SECISBP2L: variants seen among roughly 807,000 people sequenced by gnomAD.
The protein encoded by SECISBP2L is SECIS binding protein 2 like, also known as selenocysteine insertion sequence-binding protein 2-like.
A neutral mutation model predicts 114.7 loss-of-function variants in SECISBP2L; 43 were observed. The observed-to-expected ratio is 0.38, with a 90% CI of 0.29 to 0.48. The LOEUF is 0.48. Ranked by LOEUF, SECISBP2L falls within the 20% of genes least tolerant of loss-of-function variation. The probability of loss-of-function intolerance (pLI) is 0.98; values close to 1 mark genes in which losing one functional copy is unlikely to be tolerated. For synonymous variants in SECISBP2L, 451 were observed against 439.7 expected, an observed-to-expected ratio of 1.03 and a Z score of -0.32; for missense variants, 1,136 against 1,301.1, an observed-to-expected ratio of 0.87 and a Z score of 1.95.
At chr15:49,023,828 T>C (rs756920241) in intron 7 of SECISBP2L, among the ~76,000 whole-genome samples, 1 of 152,198 alleles carries the variant, frequency 6.6e-6, no homozygotes, top group African/African-American at 2.4e-5. Context: ...ATAAGATATA[T>C]ACTTCTATTT....
intron 14 of SECISBP2L, among the ~76,000 whole-genome samples, chr15:49,005,962 T>C (rs1233230824): frequency 2.6e-5 from 4 of 152,164 alleles, no homozygotes; most frequent in South Asian, 4.1e-4. Context: ...TGACAAAATC[T>C]CTCAGCATTT....
chr15:48,996,368 A>G lies in SECISBP2L; in HGVS notation c.2622T>C (p.Tyr874=), dbSNP rs1388148027. 1.2e-6 allele frequency: 2 copies of G among 1,613,278 alleles called. No individual in the cohort carries two copies. Among genetic ancestry groups the G allele is most frequent in the Admixed American group, 1.7e-5 (1 of 59,954 alleles). ...TTAAAATAGTATTCAACAACTTACC[A>G]TATTCCTTTTCATTTACTTCAGAGA... The part of the protein sequence containing the change: ...EPISEVNEKE[Y]ETNWRNMVET... The change falls in exon 17 of 18, where the codon TAT becomes TAC. Residue 874 remains tyrosine (Y), a splice_region_variant and synonymous_variant. Coordinates refer to ENST00000559471, the MANE Select transcript of SECISBP2L (RefSeq NM_001193489.2).
intron 6 of SECISBP2L, 114 bp from the exon 7 acceptor site, chr15:49,027,594 T>C (rs1902771226): frequency 1.6e-5 from 9 of 565,280 alleles, no homozygotes; most frequent in Non-Finnish European, 2.4e-5. Context: ...GTGAAAATTT[T>C]TCTATAAACC....
intron 16 of SECISBP2L, among the ~76,000 whole-genome samples, chr15:48,998,167 A>G (rs1902132654): frequency 1.3e-5 from 2 of 152,238 alleles, no homozygotes; most frequent in South Asian, 4.1e-4. Context: ...AGCATGGCAA[A>G]AAGTGCTACA....
intron 1 of SECISBP2L, among the ~76,000 whole-genome samples, chr15:49,043,190 A>G (rs917680508): frequency 2.0e-5 from 3 of 152,326 alleles, no homozygotes; most frequent in Admixed American, 6.5e-5. Flanking sequence ...ATTACTGAAT[A>G]ATAAACATTT....
At chr15:48,994,710 C>T (rs1209868805) in intron 17 of SECISBP2L, among the ~76,000 whole-genome samples, 1 of 152,040 alleles carries the variant, frequency 6.6e-6, no homozygotes, top group Non-Finnish European at 1.5e-5. Flanking sequence ...CTAACCTGAA[C>T]TCCCACAGTA....
At chr15:49,037,842 A>T (rs1903044995) in intron 1 of SECISBP2L, 73 bp from the exon 2 acceptor site, 2 of 1,297,934 alleles carry the variant, frequency 1.5e-6, no homozygotes, top group East Asian at 4.9e-5. Flanking sequence ...ATTTAACAAC[A>T]GAAGAGTCAG....
intron 16 of SECISBP2L, 30 bp from the exon 17 acceptor site, chr15:48,996,616 A>AT (rs745673647): frequency 2.5e-6 from 4 of 1,582,854 alleles, no homozygotes; most frequent in East Asian, 2.2e-5. Context: ...TGATTAATCC[A>AT]TTTTTTTGTT....
chr15:49,032,969 T>C lies in SECISBP2L; in HGVS notation c.660A>G (p.Gln220=), dbSNP rs530775907. 14 of 1,613,606 alleles carry C rather than the reference T, an allele frequency of 8.7e-6. No homozygotes were observed. The African/African-American group carries it at 1.2e-4, about 14-fold the overall frequency. ...ATGTAAGAACCCTTGCCTTACCAGTTTGCTGTGAAGCATCTACCAGAAGCA... is the reference window on the plus strand; with the variant it reads ...ATGTAAGAACCCTTGCCTTACCAGTCTGCTGTGAAGCATCTACCAGAAGCA... ...KIVLLVDASQ[Q]TDFPSDIANK... The change falls in exon 4 of 18, where the codon CAA becomes CAG. Residue 220 remains glutamine (Q), a synonymous_variant. Transcript: ENST00000559471.
At chr15:49,032,139 A>C (rs1902902066) in intron 4 of SECISBP2L, among the ~76,000 whole-genome samples, 3 of 152,240 alleles carry the variant, frequency 2.0e-5, no homozygotes, top group Non-Finnish European at 4.4e-5. Flanking sequence ...AAATGAAAAA[A>C]GTATAAGCCA....
intron 7 of SECISBP2L, among the ~76,000 whole-genome samples, chr15:49,026,802 A>G (rs542189137): frequency 4.2e-4 from 64 of 152,222 alleles, no homozygotes; most frequent in Non-Finnish European, 7.1e-4. Flanking sequence ...CCATTAAACA[A>G]CTCCCTGATT....
At chr15:49,011,921 A>T (rs932657863) in intron 12 of SECISBP2L, 58 bp from the exon 13 acceptor site, 1 of 1,570,468 alleles carries the variant, frequency 6.4e-7, no homozygotes, top group African/African-American at 1.4e-5. Context: ...TGTACAAATG[A>T]TGACAATATA....
chr15:49,030,188 A>C (rs1902857316), intron 4 of SECISBP2L, among the ~76,000 whole-genome samples: 1 of 152,218 alleles, frequency 6.6e-6, no homozygotes, highest in Non-Finnish European at 1.5e-5. Context: ...TCATGTCATG[A>C]CAAGTCTTCA....
chr15:49,002,611 T>C (rs1038224726), intron 14 of SECISBP2L, among the ~76,000 whole-genome samples: 5 of 152,208 alleles, frequency 3.3e-5, no homozygotes, highest in Admixed American at 6.5e-5. Context: ...CATTAATTCA[T>C]CTTGAGTTAA....
At chr15:49,030,245 A>G (rs577659949) in intron 4 of SECISBP2L, among the ~76,000 whole-genome samples, 1 of 152,290 alleles carries the variant, frequency 6.6e-6, no homozygotes, top group East Asian at 1.9e-4. Flanking sequence ...GGTGTTCTGT[A>G]CTTAGAGTAG....
Position 49,035,457 on chromosome 15 carries a change from C to T in SECISBP2L, c.405G>A (p.Gln135=), listed in dbSNP as rs763635997. ...PFPTPYSNTF[Q]AANTVNAITT... The stretch of plus-strand genomic sequence containing the variant: ...TGATAGCATTTACAGTATTTGCAGC[C>T]TGAAAGGTGTTGGAGTAAGGTGTAG... The change falls in exon 3 of 18, where the codon CAG becomes CAA. Residue 135 remains glutamine (Q), a synonymous_variant. Coordinates refer to ENST00000559471, the MANE Select transcript of SECISBP2L (RefSeq NM_001193489.2). The T allele has an allele frequency of 6.2e-7, 1 of 1,614,116 alleles. No homozygotes were observed. Among genetic ancestry groups the T allele is most frequent in the Admixed American group, 1.7e-5 (1 of 60,006 alleles).
chr15:49,035,117 G>A (rs1902978552), intron 3 of SECISBP2L, among the ~76,000 whole-genome samples: 1 of 152,138 alleles, frequency 6.6e-6, no homozygotes, highest in Non-Finnish European at 1.5e-5. Context: ...CTAAAGGAAT[G>A]TGAAAATGAT....
At position 48,990,252 on chromosome 15, in the gene SECISBP2L, C is replaced by T. The variant is rs1901944801; in HGVS notation, c.*1992G>A. On this transcript the variant is annotated 3_prime_UTR_variant, in exon 18 of 18. Coordinates refer to ENST00000559471, the MANE Select transcript of SECISBP2L (RefSeq NM_001193489.2). ...GGTCAAGAGTTATCTGAATCACTGACATCGAGCAAAGGAAATTTACACCAT... is the reference window on the plus strand; with the variant it reads ...GGTCAAGAGTTATCTGAATCACTGATATCGAGCAAAGGAAATTTACACCAT... 6.6e-6 allele frequency: 1 copy of T among 152,640 alleles called. No individual in the cohort carries two copies. Among genetic ancestry groups the T allele is most frequent in the Non-Finnish European group, 1.5e-5 (1 of 68,034 alleles). 9.5% of individuals were successfully genotyped at this position (152,640 alleles called of 1,614,324 possible).
chr15:48,992,527 G>A lies in SECISBP2L; in HGVS notation c.3023C>T (p.Ser1008Phe). ...EEEDYTHEPI[S>F]VEVQLNSRIE... ...TCTACTATTGAGCTGCACTTCTACA[G>A]ATATGGGTTCATGAGTATAATCTTC... Residue 1008 changes from serine (S) to phenylalanine (F), a missense_variant, in exon 18 of 18, where the codon TCT (serine) becomes TTT (phenylalanine). By Grantham distance (155) the Ser-to-Phe change is radical. Transcript: ENST00000559471. 6.2e-7 allele frequency: 1 copy of A among 1,614,194 alleles called. No homozygotes were observed. The highest frequency in any genetic ancestry group is 8.5e-7 in the Non-Finnish European group (1 of 1,180,040).
Sources: gnomAD v4.1 joint callset for allele counts (sites outside exome capture counted in the v4.1 genomes callset) on GRCh38, gnomAD v4.1.1 for gene constraint, MANE v1.5 for transcripts, NCBI Gene and HGNC (gene_info 2026-07-23, HGNC 2026-07-21) for gene names.